Variants in SPIDR observed in about 807,000 individuals in gnomAD.
SPIDR encodes the protein DNA repair-scaffolding protein.
A neutral mutation model predicts 104.6 loss-of-function variants in SPIDR; 93 were observed. The ratio of observed to expected loss-of-function variants is 0.89; its 90% CI spans 0.75 to 1.06. The LOEUF (loss-of-function observed/expected upper bound fraction) is 1.06, where lower values mean the gene tolerates loss of function less well. Ranked by LOEUF, SPIDR falls within the 50% of genes least tolerant of loss-of-function variation. The pLI is 0.00. For missense variants in SPIDR, 1,154 were observed against 1,111.2 expected, an observed-to-expected ratio of 1.04 and a Z score of -0.55; for synonymous variants, 431 against 416.9, an observed-to-expected ratio of 1.03 and a Z score of -0.41.
intron 16 of SPIDR, among the ~76,000 whole-genome samples, chr8:47,718,649 T>G (rs2082927560): frequency 1.3e-5 from 2 of 152,162 alleles, no homozygotes; most frequent in Admixed American, 6.5e-5. Context: ...GATAAAACTT[T>G]ATTTTATAAA....
intron 7 of SPIDR, among the ~76,000 whole-genome samples, chr8:47,438,709 A>C (rs999587844): frequency 1.3e-5 from 2 of 149,492 alleles, no homozygotes; most frequent in African/African-American, 5.1e-5. Flanking sequence ...GCCTTAAGAA[A>C]TAGTTGTCCA....
At chr8:47,439,755 T>C (rs2069036313) in intron 7 of SPIDR, among the ~76,000 whole-genome samples, 2 of 152,182 alleles carry the variant, frequency 1.3e-5, no homozygotes, top group South Asian at 4.1e-4. Context: ...CTTGGCCAAC[T>C]TAATAAGGAA....
intron 8 of SPIDR, among the ~76,000 whole-genome samples, chr8:47,519,652 G>A (rs2083729023): frequency 6.6e-6 from 1 of 152,106 alleles, no homozygotes; most frequent in African/African-American, 2.4e-5. Flanking sequence ...AGGCATGGTG[G>A]CACAGGCCTG....
At chr8:47,290,224 G>T (rs912160033) in intron 3 of SPIDR, among the ~76,000 whole-genome samples, 2 of 152,096 alleles carry the variant, frequency 1.3e-5, no homozygotes, top group Non-Finnish European at 2.9e-5. Context: ...TGTATTTTTA[G>T]TAGAGACAGG....
At chr8:47,600,468 T>A (rs776074470) in intron 10 of SPIDR, among the ~76,000 whole-genome samples, 3 of 152,240 alleles carry the variant, frequency 2.0e-5, no homozygotes, top group Non-Finnish European at 4.4e-5. Flanking sequence ...GGAGGCACTT[T>A]ATTTGAAAAT....
At chr8:47,455,803 CAT>C (rs1448250696) in intron 8 of SPIDR, among the ~76,000 whole-genome samples, 1 of 152,044 alleles carries the variant, frequency 6.6e-6, no homozygotes, top group Non-Finnish European at 1.5e-5. Context: ...ACAGCAAAAA[CAT>C]AAAATAATTT....
At chr8:47,386,673 G>A (rs1245742468) in intron 5 of SPIDR, among the ~76,000 whole-genome samples, 1 of 152,096 alleles carries the variant, frequency 6.6e-6, no homozygotes, top group African/African-American at 2.4e-5. Flanking sequence ...TAGATATAAT[G>A]AGTAGTTTTC....
At chr8:47,348,119 A>T (rs1554619599) in intron 5 of SPIDR, among the ~76,000 whole-genome samples, 1 of 152,106 alleles carries the variant, frequency 6.6e-6, no homozygotes, top group Admixed American at 6.5e-5. Context: ...TGCTTCCTTC[A>T]GGAGTTCTTT....
chr8:47,473,074 C>T (rs782293140), intron 8 of SPIDR, among the ~76,000 whole-genome samples: 1 of 152,144 alleles, frequency 6.6e-6, no homozygotes, highest in Non-Finnish European at 1.5e-5. Flanking sequence ...CCAGGGCTGC[C>T]GCCTGGAAGA....
At chr8:47,262,981 T>C (rs1238606275) in intron 1 of SPIDR, among the ~76,000 whole-genome samples, 1 of 152,214 alleles carries the variant, frequency 6.6e-6, no homozygotes, top group Non-Finnish European at 1.5e-5. Context: ...ATTGGCTACA[T>C]CATAATTTAC....
intron 8 of SPIDR, among the ~76,000 whole-genome samples, chr8:47,471,601 G>C (rs1244419754): frequency 6.6e-6 from 1 of 152,016 alleles, no homozygotes; most frequent in Non-Finnish European, 1.5e-5. Flanking sequence ...AAACAGTTCG[G>C]GAAATGAAAG....
chr8:47,619,128 A>C (rs2064766946), intron 10 of SPIDR, among the ~76,000 whole-genome samples: 2 of 152,178 alleles, frequency 1.3e-5, no homozygotes, highest in African/African-American at 4.8e-5. Flanking sequence ...ATAATCTAAA[A>C]CAGAGTCCTG....
At chr8:47,328,145 T>A (rs552596485) in intron 5 of SPIDR, among the ~76,000 whole-genome samples, 1 of 152,108 alleles carries the variant, frequency 6.6e-6, no homozygotes, top group African/African-American at 2.4e-5. Context: ...AATTGCCAAA[T>A]CCACGATCAT....
At chr8:47,601,942 A>G (rs1261104455) in intron 10 of SPIDR, among the ~76,000 whole-genome samples, 1 of 152,246 alleles carries the variant, frequency 6.6e-6, no homozygotes, top group Non-Finnish European at 1.5e-5. Flanking sequence ...TTTTGCAGTG[A>G]TAATGATCAG....
chr8:47,374,562 T>C (rs1463844496), intron 5 of SPIDR, among the ~76,000 whole-genome samples: 1 of 152,208 alleles, frequency 6.6e-6, no homozygotes, highest in Non-Finnish European at 1.5e-5. Flanking sequence ...AGGTGGACTT[T>C]TGGTTTACTT....
intron 8 of SPIDR, among the ~76,000 whole-genome samples, chr8:47,556,177 G>T (rs901251159): frequency 4.6e-5 from 7 of 152,204 alleles, no homozygotes; most frequent in African/African-American, 1.7e-4. Context: ...AGGCCTAGCA[G>T]TCTCAAGCAT....
chr8:47,515,862 G>A (rs1446777174), intron 8 of SPIDR, among the ~76,000 whole-genome samples: 3 of 152,190 alleles, frequency 2.0e-5, no homozygotes, highest in Non-Finnish European at 4.4e-5. Flanking sequence ...CCAGGCTGGA[G>A]TGCAGTGGTG....
At position 47,587,441 on chromosome 8, in the gene SPIDR, C is replaced by CA. The variant is rs547688543; in HGVS notation, c.1098-8363dup. Among the ~76,000 whole-genome samples, 167 of 151,396 alleles carry CA rather than the reference C, an allele frequency of 1.1e-3. 6 individuals are homozygous for CA. Among genetic ancestry groups the CA allele is most frequent in the Admixed American group, 0.01 (154 of 15,182 alleles). ...CAACATGGTGAAACCCCATCTCTACCAAAAAAATACAAAAAAAATAACGGG... is the reference window on the plus strand; with the variant it reads ...CAACATGGTGAAACCCCATCTCTACCAAAAAAAATACAAAAAAAATAACGGG... On this transcript the variant is annotated intron_variant, in intron 8 of 19. Coordinates refer to ENST00000297423, the MANE Select transcript of SPIDR (RefSeq NM_001080394.4).
intron 8 of SPIDR, among the ~76,000 whole-genome samples, chr8:47,482,338 G>T (rs1175131004): frequency 2.0e-5 from 3 of 152,144 alleles, no homozygotes; most frequent in Non-Finnish European, 4.4e-5. Flanking sequence ...AGGAGGCTGA[G>T]GTGGGAAGAT....
Sources: gnomAD v4.1 joint callset for allele counts (sites outside exome capture counted in the v4.1 genomes callset) on GRCh38, gnomAD v4.1.1 for gene constraint, MANE v1.5 for transcripts, NCBI Gene and HGNC (gene_info 2026-07-23, HGNC 2026-07-21) for gene names.